The following PDCD2 variants were observed in gnomAD, a reference collection of about 807,000 sequenced individuals.
PDCD2 encodes the protein programmed cell death 2.
A neutral mutation model predicts 38.1 loss-of-function variants in PDCD2; 38 were observed. The ratio of observed to expected loss-of-function variants is 1.00; its 90% CI spans 0.77 to 1.31. The LOEUF is 1.31. Ranked by LOEUF, PDCD2 falls within the 50% of genes most tolerant of loss-of-function variation. The probability of loss-of-function intolerance (pLI) is 0.00; values close to 1 mark genes in which losing one functional copy is unlikely to be tolerated. For synonymous variants in PDCD2, 205 were observed against 168.9 expected (o/e 1.21, Z -1.66); for missense variants, 473 against 435.7 (o/e 1.09, Z -0.76).
intron 3 of PDCD2, chr6:170,582,723 G>T (rs980916209): frequency 1.0e-5 from 13 of 1,239,080 alleles, no homozygotes; most frequent in East Asian, 4.2e-5. Context: ...CCTTCTGCGT[G>T]CCCGACACTG....
At position 170,582,970 on chromosome 6, in the gene PDCD2, T is replaced by C. The variant is rs1394867893; in HGVS notation, c.658+87A>G. 14 of 1,528,998 alleles carry C rather than the reference T, an allele frequency of 9.2e-6. No homozygotes were observed. In the Admixed American group the frequency reaches 3.2e-4, roughly 34 times the overall value. 94.7% of individuals were successfully genotyped at this position (1,528,998 alleles called of 1,614,324 possible). A position where few individuals can be genotyped will look rare whatever the true frequency, so the allele number is the denominator to read the frequency against. On this transcript the variant is annotated intron_variant, in intron 3 of 5. Coordinates refer to ENST00000541970, the MANE Select transcript of PDCD2 (RefSeq NM_002598.4). ...ACAGCCTCCAAAGTGAGTCTTCCTC[T>C]CAGTACCTCTCTTCTAGGCACATGG...
intron 2 of PDCD2, 151 bp downstream of exon 2, chr6:170,583,354 G>T: frequency 2.2e-6 from 2 of 921,706 alleles, no homozygotes; most frequent in South Asian, 1.8e-5. Context: ...AGACTTCACA[G>T]CCTTTTTTTT....
At chr6:170,582,969 C>A in intron 3 of PDCD2, 88 bp downstream of exon 3, 1 of 1,528,196 alleles carries the variant, frequency 6.5e-7, no homozygotes, top group South Asian at 1.3e-5. Context: ...GAGTCTTCCT[C>A]TCAGTACCTC....
Position 170,577,620 on chromosome 6 carries a change from C to A in PDCD2, c.974G>T (p.Ser325Ile). The part of the protein sequence containing the change: ...LAVFTCAESC[S>I]LGTGYTEEFV... ...TTCTTCTGTATAGCCAGTACCCAAGCTGCAGCTCTCAGCACAGGTGAAGAC... is the reference window on the plus strand; with the variant it reads ...TTCTTCTGTATAGCCAGTACCCAAGATGCAGCTCTCAGCACAGGTGAAGAC... Residue 325 changes from serine to isoleucine, a missense_variant, in exon 6 of 6, where the codon AGC becomes ATC. Physicochemically the swap from Ser to Ile is moderately radical, Grantham distance 142. Coordinates refer to ENST00000541970, the MANE Select transcript of PDCD2 (RefSeq NM_002598.4). The A allele has an allele frequency of 1.2e-6, 2 of 1,614,126 alleles. No homozygotes were observed. The highest frequency in any genetic ancestry group is 1.7e-6 in the Non-Finnish European group (2 of 1,180,028).
rs1487667461 is a variant in PDCD2, at chr6:170,577,537, T to A, written c.*22A>T. On this transcript the variant is annotated 3_prime_UTR_variant, in exon 6 of 6. Coordinates refer to ENST00000541970, the MANE Select transcript of PDCD2 (RefSeq NM_002598.4). Reference sequence around the variant, plus strand: ...GCAAGGTATAAAAGATTATTAACATTTTTCAAGGCTTTAAGATGCCTTTAC... The same window carrying A: ...GCAAGGTATAAAAGATTATTAACATATTTCAAGGCTTTAAGATGCCTTTAC... 2 of 1,601,288 alleles carry A rather than the reference T, an allele frequency of 1.2e-6. No individual in the cohort carries two copies. The highest frequency in any genetic ancestry group is 1.7e-6 in the Non-Finnish European group (2 of 1,169,942).
chr6:170,582,324 T>C, intron 3 of PDCD2: 1 of 1,534,838 alleles, frequency 6.5e-7, no homozygotes, highest in Middle Eastern at 1.7e-4. Context: ...TTGGAATGTA[T>C]GACTGGTATG....
rs1351317035 is a variant in PDCD2, at chr6:170,582,196, A to G, written c.658+861T>C. The stretch of plus-strand genomic sequence containing the variant: ...TCATTATATGGACTTTAACTTCCCC[A>G]GATATTATTTGGGCTCCTCCATAAG... On this transcript the variant is annotated intron_variant, in intron 3 of 5. Transcript: ENST00000541970. The G allele has an allele frequency of 8.5e-5, 127 of 1,485,804 alleles. No homozygotes were observed. In the East Asian group the frequency reaches 3.1e-3, roughly 36 times the overall value. 92.0% of individuals were successfully genotyped at this position (1,485,804 alleles called of 1,614,324 possible).
rs773627937 is a variant in PDCD2 at position 170,583,756 on chromosome 6, G to T, written c.284-9C>A. ...TAGTTGATTCCTAAAAACTAAAAAA[G>T]AATACAGAGAAAAGTTTTATCTTCA... On this transcript the variant is annotated splice_polypyrimidine_tract_variant and intron_variant, in intron 1 of 5. Transcript: ENST00000541970. The T allele has an allele frequency of 3.8e-6, 6 of 1,596,366 alleles. No homozygotes were observed. The South Asian group carries it at 4.4e-5, about 12-fold the overall frequency.
chr6:170,578,780 T>G, intron 5 of PDCD2, 77 bp downstream of exon 5: 1 of 920,290 alleles, frequency 1.1e-6, no homozygotes, highest in Non-Finnish European at 1.8e-6. Flanking sequence ...TGTGCACAAA[T>G]TACCTTGGTG....
At chr6:170,583,010 A>T (rs1191726085) in intron 3 of PDCD2, 47 bp downstream of exon 3, 4 of 1,582,886 alleles carry the variant, frequency 2.5e-6, no homozygotes, top group South Asian at 1.2e-5. Flanking sequence ...CTTTCTTCCA[A>T]GTATTATGTT....
intron 3 of PDCD2, 73 bp downstream of exon 3, chr6:170,582,984 C>A: frequency 5.8e-6 from 9 of 1,553,596 alleles, no homozygotes; most frequent in Non-Finnish European, 7.8e-6. Flanking sequence ...TACCTCTCTT[C>A]TAGGCACATG....
At position 170,577,273 on chromosome 6, in the gene PDCD2, C is replaced by T. The variant is rs1240124963; in HGVS notation, c.*286G>A. 4.1e-6 allele frequency: 1 copy of T among 246,368 alleles called. No individual in the cohort carries two copies. The highest frequency in any genetic ancestry group is 7.8e-6 in the Non-Finnish European group (1 of 127,468). 15.3% of individuals were successfully genotyped at this position (246,368 alleles called of 1,614,324 possible). A position where few individuals can be genotyped will look rare whatever the true frequency, so the allele number is the denominator to read the frequency against. On this transcript the variant is annotated 3_prime_UTR_variant, in exon 6 of 6. Coordinates refer to ENST00000541970, the MANE Select transcript of PDCD2 (RefSeq NM_002598.4). ...CTGTGCATACATACAAATATTTTTA[C>T]AAGAATAGGATCATACCATGAATAC...
At position 170,584,372 on chromosome 6, in the gene PDCD2, G is replaced by A. The variant is rs1157615199; in HGVS notation, c.210C>T (p.Gly70=). 1.3e-6 allele frequency: 2 copies of A among 1,493,710 alleles called. No individual in the cohort carries two copies. Among genetic ancestry groups the A allele is most frequent in the Non-Finnish European group, 8.9e-7 (1 of 1,126,112 alleles). 92.5% of individuals were successfully genotyped at this position (1,493,710 alleles called of 1,614,324 possible). The change falls in exon 1 of 6, where the codon GGC becomes GGT. Residue 70 remains glycine (G), a synonymous_variant. Coordinates refer to ENST00000541970, the MANE Select transcript of PDCD2 (RefSeq NM_002598.4). ...TGCAGCGGTGGAAGGCGTCCGGGCG[G>A]CCAGGCAGCGGCGCATACACCTGCA... ...FLLQVYAPLP[G]RPDAFHRCIF...
At chr6:170,582,700 A>G in intron 3 of PDCD2, 1 of 1,212,476 alleles carries the variant, frequency 8.2e-7, no homozygotes, top group Non-Finnish European at 1.0e-6. Context: ...TGAAAGAGAA[A>G]CTTTTAAGGG....
At chr6:170,582,257 A>G (rs1420754044) in intron 3 of PDCD2, 3 of 1,466,418 alleles carry the variant, frequency 2.0e-6, no homozygotes, top group Admixed American at 2.0e-5. Context: ...GTTGCTTCCC[A>G]TTATATCCCT....
At chr6:170,583,345 G>C (rs1247539298) in intron 2 of PDCD2, among the ~76,000 whole-genome samples, 157 bp from the exon 3 acceptor site, 4 of 151,078 alleles carry the variant, frequency 2.6e-5, no homozygotes, top group Non-Finnish European at 4.4e-5. Flanking sequence ...CAGTGATTCA[G>C]ACTTCACAGC....
intron 3 of PDCD2, among the ~76,000 whole-genome samples, chr6:170,580,781 C>G (rs1779573139): frequency 6.6e-6 from 1 of 152,198 alleles, no homozygotes; most frequent in African/African-American, 2.4e-5. Flanking sequence ...TAAGCCACTG[C>G]TGTCCCCAAC....
rs984766857 is a variant in PDCD2, at chr6:170,582,714, C to T, written c.658+343G>A. On this transcript the variant is annotated intron_variant, in intron 3 of 5. Transcript: ENST00000541970. ...ATGAAAGAGAAACTTTTAAGGGGCC[C>T]TTCTGCGTGCCCGACACTGTGCTAG... is the stretch of plus-strand genomic sequence containing the variant. The T allele has an allele frequency of 6.5e-6, 8 of 1,226,306 alleles. No individual in the cohort carries two copies. In the African/African-American group the frequency reaches 1.1e-4, roughly 17 times the overall value. 76.0% of individuals were successfully genotyped at this position (1,226,306 alleles called of 1,614,324 possible). A position where few individuals can be genotyped will look rare whatever the true frequency, so the allele number is the denominator to read the frequency against.
Position 170,578,869 on chromosome 6 carries a change from T to A in PDCD2, c.864A>T (p.Ile288=). ...TTTAAGGTCATACCTGGAATTCCAA[T>A]ATTCTCTTGGCACCACAGGGGCAAT... ...IPDCPCGAKR[I]LEFQVMPQLL... is the part of the protein sequence containing the mutation. Residue 288 remains isoleucine (I), a synonymous_variant, in exon 5 of 6, where the codon ATA becomes ATT. Coordinates refer to ENST00000541970, the MANE Select transcript of PDCD2 (RefSeq NM_002598.4). 6.3e-7 allele frequency: 1 copy of A among 1,594,816 alleles called. No homozygotes were observed.
Sources: gnomAD v4.1 joint callset for allele counts (sites outside exome capture counted in the v4.1 genomes callset) on GRCh38, gnomAD v4.1.1 for gene constraint, MANE v1.5 for transcripts, NCBI Gene and HGNC (gene_info 2026-07-23, HGNC 2026-07-21) for gene names.